RIMBP2: variants seen among roughly 807,000 people sequenced by gnomAD.
RIMBP2 encodes the protein RIMS-binding protein 2.
Under a neutral mutation model 118.6 loss-of-function variants are expected in RIMBP2, and 48 were observed. The ratio of observed to expected loss-of-function variants is 0.40; its 90% CI spans 0.32 to 0.51. RIMBP2 has a LOEUF of 0.51. RIMBP2 is among the 20% of genes least tolerant of loss of function. The pLI, the probability that RIMBP2 is intolerant of heterozygous loss-of-function variation, is 0.41. For missense variants in RIMBP2, 1,551 were observed against 1,768.3 expected (o/e 0.88, Z 2.20); for synonymous variants, 762 against 742.9 (o/e 1.03, Z -0.42).
rs577434121 is a variant in RIMBP2 at position 130,556,745 on chromosome 12, A to C, written c.-216-38828T>G. ...GTGCCATCACCATTGGCCAAGCCCA[A>C]ATGGAAAGCAGACAGCTAGAGCCCA... On this transcript the variant is annotated intron_variant, in intron 2 of 22. Transcript: ENST00000690449. 1.8e-4 allele frequency among the ~76,000 whole-genome samples: 27 copies of C among 152,280 alleles called. No individual in the cohort carries two copies. The East Asian group carries it at 5.0e-3, about 28-fold the overall frequency.
At position 130,511,991 on chromosome 12, in the gene RIMBP2, G is replaced by T. The variant is rs2050959781; in HGVS notation, c.-126-5221C>A. Among the ~76,000 whole-genome samples, 1 of 152,168 alleles carries T rather than the reference G, an allele frequency of 6.6e-6. No homozygotes were observed. Among genetic ancestry groups the T allele is most frequent in the Non-Finnish European group, 1.5e-5 (1 of 68,022 alleles). Reference sequence around the variant, plus strand: ...CAAGCTCAGGCTTCTGTGAGGGGCAGCTGGAAATAACCCCAGCTGATAAAC... The same window carrying T: ...CAAGCTCAGGCTTCTGTGAGGGGCATCTGGAAATAACCCCAGCTGATAAAC... On this transcript the variant is annotated intron_variant, in intron 3 of 22. Coordinates refer to ENST00000690449, the MANE Select transcript of RIMBP2 (RefSeq NM_001393629.1). This position sits in a 1 kb window ranked among gnomAD's most constrained non-coding sequence, Gnocchi z 4.3.
At chr12:130,697,855 G>A (rs995598993) in intron 1 of RIMBP2, among the ~76,000 whole-genome samples, 11 of 152,216 alleles carry the variant, frequency 7.2e-5, no homozygotes, top group African/African-American at 2.7e-4. Flanking sequence ...GGAAAGAAGG[G>A]CGAGTGTTGG....
At chr12:130,449,526 G>A (rs1419659564) in intron 9 of RIMBP2, among the ~76,000 whole-genome samples, 4 of 152,082 alleles carry the variant, frequency 2.6e-5, no homozygotes, top group African/African-American at 9.7e-5. Context: ...GGAGATCAGG[G>A]TGCTGGACAC....
At chr12:130,455,906 G>C (rs1182746901) in intron 7 of RIMBP2, among the ~76,000 whole-genome samples, 2 of 151,844 alleles carry the variant, frequency 1.3e-5, no homozygotes, top group South Asian at 2.1e-4. Context: ...CTCTGCCTGC[G>C]ACCAAGACTA....
rs1331916230 is a variant in RIMBP2 at position 130,450,765 on chromosome 12, C to G, written c.504+430G>C. On this transcript the variant is annotated intron_variant, in intron 8 of 22. Transcript: ENST00000690449. The surrounding 1 kb of genome is among the most constrained non-coding windows in gnomAD (Gnocchi z 4.8). The stretch of plus-strand genomic sequence containing the variant: ...TCAGTGGCTTCACCTCGGACTCAGA[C>G]AAAAAGCCAAACGCTGTCCTCTGCC... Among the ~76,000 whole-genome samples, 4 of 152,002 alleles carry G rather than the reference C, an allele frequency of 2.6e-5. No homozygotes were observed. Among genetic ancestry groups the G allele is most frequent in the Non-Finnish European group, 5.9e-5 (4 of 67,998 alleles).
At chr12:130,604,871 C>T (rs1293954000) in intron 2 of RIMBP2, among the ~76,000 whole-genome samples, 2 of 150,504 alleles carry the variant, frequency 1.3e-5, no homozygotes, top group South Asian at 2.1e-4. Flanking sequence ...CGTGAGCCAC[C>T]GCGCCCGGCC....
At chr12:130,413,564 CAG>C (rs1398682529) in intron 18 of RIMBP2, among the ~76,000 whole-genome samples, 1 of 134,990 alleles carries the variant, frequency 7.4e-6, no homozygotes, top group Non-Finnish European at 1.5e-5. Context: ...ACCTGGGAAA[CAG>C]AGGTTGCAGT....
intron 2 of RIMBP2, among the ~76,000 whole-genome samples, chr12:130,558,746 C>A (rs1327057773): frequency 6.6e-6 from 1 of 152,196 alleles, no homozygotes; most frequent in Non-Finnish European, 1.5e-5. Context: ...TCTGAATCCC[C>A]TGTGAAAAGG....
chr12:130,458,428 G>A (rs1307400134), intron 6 of RIMBP2, among the ~76,000 whole-genome samples: 1 of 152,106 alleles, frequency 6.6e-6, no homozygotes, highest in East Asian at 1.9e-4. Context: ...CAGGTGGGAT[G>A]ACGACTTGGC....
In RIMBP2 at chr12:130,442,011, G is replaced by A. The variant is rs369685147; in HGVS notation, c.1341C>T (p.Asp447=). The A allele has an allele frequency of 6.1e-5, 98 of 1,614,056 alleles. No individual in the cohort carries two copies. The highest frequency in any genetic ancestry group is 8.0e-5 in the Non-Finnish European group (94 of 1,180,056). The change falls in exon 11 of 23, where the codon GAC becomes GAT. Residue 447 remains aspartate, a synonymous_variant. Transcript: ENST00000690449. The surrounding 1 kb of genome is among the most constrained non-coding windows in gnomAD (Gnocchi z 6.9). The part of the protein sequence containing the change: ...HVIFLNEEEF[D]IVKAARYKYQ... ...ACTTGTACCTGGCGGCCTTGACGAT[G>A]TCGAACTCCTCCTCGTTGAGGAAGA...
Position 130,523,454 on chromosome 12 carries a change from C to T in RIMBP2, c.-216-5537G>A, listed in dbSNP as rs562394739. ...TAGTGTATAGCCTCTGCTAAAGCAA[C>T]GAGACATGGACAGGAGCCTTCACAG... On this transcript the variant is annotated intron_variant, in intron 2 of 22. Transcript: ENST00000690449. The surrounding 1 kb of genome is among the most constrained non-coding windows in gnomAD (Gnocchi z 4.4). Among the ~76,000 whole-genome samples the T allele has an allele frequency of 1.3e-4, 20 of 152,286 alleles. No homozygotes were observed. The highest frequency in any genetic ancestry group is 6.2e-4 in the South Asian group (3 of 4,824).
intron 1 of RIMBP2, among the ~76,000 whole-genome samples, chr12:130,699,246 A>AT (rs1447346533): frequency 6.6e-6 from 1 of 152,224 alleles, no homozygotes; most frequent in African/African-American, 2.4e-5. Context: ...CCAAAGGATT[A>AT]TAAATCATGC....
rs977424773 is a variant in RIMBP2 at position 130,424,501 on chromosome 12, C to T, written c.2770G>A (p.Gly924Arg). The T allele has an allele frequency of 6.1e-5, 75 of 1,231,952 alleles. No individual in the cohort carries two copies. Among genetic ancestry groups the T allele is most frequent in the Non-Finnish European group, 7.4e-5 (73 of 987,872 alleles). The allele number at this position is 1,231,952 out of a possible 1,614,324, so 76.3% of individuals were successfully genotyped here. Residue 924 changes from glycine (G) to arginine (R), a missense_variant, in exon 16 of 23, where the codon GGG becomes AGG. Physicochemically the swap from Gly to Arg is moderately radical, Grantham distance 125. Transcript: ENST00000690449. This position sits in a 1 kb window ranked among gnomAD's most constrained non-coding sequence, Gnocchi z 9.8. ...AACCGCGACTCGTCCTCTTCACTCC[C>T]ACAGTCCAGGCCGCTGTCCGGGCTC... ...TRSPDSGLDC[G>R]SEEDESRFGF...
In RIMBP2 at chr12:130,678,153, G is replaced by A. The variant is rs112462544; in HGVS notation, c.-352+38069C>T. Among the ~76,000 whole-genome samples the A allele has an allele frequency of 3.2e-3, 487 of 152,328 alleles. 2 individuals are homozygous for A. Among genetic ancestry groups the A allele is most frequent in the Admixed American group, 5.9e-3 (90 of 15,308 alleles). On this transcript the variant is annotated intron_variant, in intron 1 of 22. Transcript: ENST00000690449. The stretch of plus-strand genomic sequence containing the variant: ...GGGTGCAGCCTCTATGACCCTAGAC[G>A]ACTCTTCCCTCTGCCTGGATTAGAG...
At chr12:130,478,573 C>T (rs901800534) in intron 5 of RIMBP2, among the ~76,000 whole-genome samples, 2 of 152,162 alleles carry the variant, frequency 1.3e-5, no homozygotes, top group African/African-American at 4.8e-5. Context: ...TCTGTGTGCC[C>T]TTTTAGTTTA....
chr12:130,403,794 A>G (rs902960710), intron 21 of RIMBP2, among the ~76,000 whole-genome samples: 24 of 152,230 alleles, frequency 1.6e-4, no homozygotes, highest in African/African-American at 5.8e-4. Flanking sequence ...TCTGGAATAT[A>G]ATTTCTGAAT....
intron 2 of RIMBP2, among the ~76,000 whole-genome samples, chr12:130,545,256 C>T (rs540266874): frequency 4.5e-4 from 69 of 152,280 alleles, no homozygotes; most frequent in African/African-American, 8.9e-4. Flanking sequence ...TAGAATCAGA[C>T]GCGTAATTGC....
intron 1 of RIMBP2, among the ~76,000 whole-genome samples, chr12:130,685,208 A>G (rs536726267): frequency 3.3e-5 from 5 of 152,286 alleles, no homozygotes; most frequent in Admixed American, 3.3e-4. Context: ...ATGGAATTAC[A>G]GTAATGATAG....
At chr12:130,712,048 TGC>T (rs1870837341) in intron 1 of RIMBP2, among the ~76,000 whole-genome samples, 1 of 152,228 alleles carries the variant, frequency 6.6e-6, no homozygotes, top group Non-Finnish European at 1.5e-5. Context: ...TAAAGCATGG[TGC>T]ACCTGTATAG....
Sources: allele counts gnomAD v4.1 joint callset (sites outside exome capture counted in the v4.1 genomes callset), GRCh38; gene constraint gnomAD v4.1.1; non-coding constraint Gnocchi (gnomAD v3.1); transcripts MANE v1.5; gene names NCBI Gene and HGNC (gene_info 2026-07-23, HGNC 2026-07-21).